The following ACTN1 variants were observed in gnomAD, a reference collection of about 807,000 sequenced individuals.
The protein encoded by ACTN1 is alpha-actinin-1.
In ACTN1, 30 loss-of-function variants were observed where a neutral mutation model predicts 119.6. That is an observed-to-expected ratio of 0.25 (90% CI 0.19 to 0.34). ACTN1 has a LOEUF of 0.34. Among genes scored for constraint, ACTN1 ranks in the 10% least tolerant of loss-of-function variants. The pLI, the probability that ACTN1 is intolerant of heterozygous loss-of-function variation, is 1.00. For synonymous variants in ACTN1, 429 were observed against 472.6 expected (o/e 0.91, Z 1.20); for missense variants, 764 against 1,223.4 (o/e 0.62, Z 5.60).
rs117494433 is a variant in ACTN1, at chr14:68,931,066, C to T, written c.106-5394G>A. ...CCTCCAGCCCCTCACACTTTCTGCTCCACCCGAATGACGTGGATTTCAGGT... is the reference window on the plus strand; with the variant it reads ...CCTCCAGCCCCTCACACTTTCTGCTTCACCCGAATGACGTGGATTTCAGGT... On this transcript the variant is annotated intron_variant, in intron 1 of 21. Coordinates refer to ENST00000394419, the MANE Select transcript of ACTN1 (RefSeq NM_001130004.2). 5.9e-3 allele frequency among the ~76,000 whole-genome samples: 904 copies of T among 152,286 alleles called. 4 individuals are homozygous for T. Among genetic ancestry groups the T allele is most frequent in the Non-Finnish European group, 0.01 (684 of 68,010 alleles).
At chr14:68,907,070 C>T (rs982157510) in intron 6 of ACTN1, among the ~76,000 whole-genome samples, 7 of 151,446 alleles carry the variant, frequency 4.6e-5, no homozygotes, top group East Asian at 1.9e-4. Context: ...GTCAGGAGTT[C>T]GAGACCAGCC....
At chr14:68,893,555 T>C in intron 9 of ACTN1, 100 bp downstream of exon 9, 1 of 1,190,388 alleles carries the variant, frequency 8.4e-7, no homozygotes. Flanking sequence ...TCAGAGACTA[T>C]ACAAGCCTGA....
intron 11 of ACTN1, chr14:68,887,820 C>G (rs1378719348): frequency 1.1e-6 from 1 of 876,678 alleles, no homozygotes; most frequent in Non-Finnish European, 2.0e-6. Flanking sequence ...CCTGCTTCAT[C>G]AGAGGCTGGA....
chr14:68,939,396 C>G (rs971099062), intron 1 of ACTN1, among the ~76,000 whole-genome samples: 1 of 152,142 alleles, frequency 6.6e-6, no homozygotes, highest in African/African-American at 2.4e-5. Context: ...CCTTGGTTCT[C>G]ACATCAGTAA....
In ACTN1 at chr14:68,970,433, G is replaced by A. The variant is rs145846995; in HGVS notation, c.105+8519C>T. ...GAACCTCAAACGTTACGGGTTTCAC[G>A]TGCACAGGCTTTTAAAATCAAAATA... On this transcript the variant is annotated intron_variant, in intron 1 of 21. Transcript: ENST00000394419. Among the ~76,000 whole-genome samples, 709 of 152,278 alleles carry A rather than the reference G, an allele frequency of 4.7e-3. 2 individuals are homozygous for A. Among genetic ancestry groups the A allele is most frequent in the African/African-American group, 0.016 (662 of 41,552 alleles).
chr14:68,908,743 T>C lies in ACTN1; in HGVS notation c.594+575A>G, dbSNP rs147431172. Among the ~76,000 whole-genome samples, 6 of 152,230 alleles carry C rather than the reference T, an allele frequency of 3.9e-5. No homozygotes were observed. The East Asian group carries it at 1.2e-3, about 29-fold the overall frequency. On this transcript the variant is annotated intron_variant, in intron 6 of 21. Coordinates refer to ENST00000394419, the MANE Select transcript of ACTN1 (RefSeq NM_001130004.2). Reference sequence around the variant, plus strand: ...CAGACATTGAGAACCACCATGAGGCTAGAAACACAGCTCCCACTCCTGCAT... The same window carrying C: ...CAGACATTGAGAACCACCATGAGGCCAGAAACACAGCTCCCACTCCTGCAT...
chr14:68,909,531 G>T lies in ACTN1; in HGVS notation c.516-135C>A. 1.3e-6 allele frequency: 1 copy of T among 753,070 alleles called. No homozygotes were observed. 46.6% of individuals were successfully genotyped at this position (753,070 alleles called of 1,614,324 possible). A position where few individuals can be genotyped will look rare whatever the true frequency, so the allele number is the denominator to read the frequency against. On this transcript the variant is annotated intron_variant, in intron 5 of 21. Transcript: ENST00000394419. The surrounding 1 kb of genome is among the most constrained non-coding windows in gnomAD (Gnocchi z 4.1). ...TTTCTGGGGTAGGAGTTAGAAGACA[G>T]GATGGGAAGGGACATTTCTTCCTGC...
intron 3 of ACTN1, among the ~76,000 whole-genome samples, chr14:68,915,023 G>A (rs2034208312): frequency 6.6e-6 from 1 of 152,176 alleles, no homozygotes; most frequent in African/African-American, 2.4e-5. Flanking sequence ...GAAATGCAGA[G>A]TAAGGTTCCT....
intron 4 of ACTN1, among the ~76,000 whole-genome samples, chr14:68,910,891 T>G (rs2033969695): frequency 6.6e-6 from 1 of 152,220 alleles, no homozygotes; most frequent in Non-Finnish European, 1.5e-5. Context: ...GAGGTCCCTT[T>G]GCTCTCCCTT....
rs528819470 is a variant in ACTN1, at chr14:68,968,828, G to A, written c.105+10124C>T. Among the ~76,000 whole-genome samples, 6 of 152,354 alleles carry A rather than the reference G, an allele frequency of 3.9e-5. No individual in the cohort carries two copies. In the South Asian group the frequency reaches 8.3e-4, roughly 21 times the overall value. Reference sequence around the variant, plus strand: ...TACATTAATAGCTGCAAAGCACTTAGACATGTGCCTGGCCCAAAGCACAGT... The same window carrying A: ...TACATTAATAGCTGCAAAGCACTTAAACATGTGCCTGGCCCAAAGCACAGT... On this transcript the variant is annotated intron_variant, in intron 1 of 21. Transcript: ENST00000394419.
At chr14:68,959,574 A>G (rs2036458327) in intron 1 of ACTN1, among the ~76,000 whole-genome samples, 1 of 152,224 alleles carries the variant, frequency 6.6e-6, no homozygotes, top group Non-Finnish European at 1.5e-5. Flanking sequence ...TTGACTTACA[A>G]AAACTAACCT....
intron 1 of ACTN1, among the ~76,000 whole-genome samples, chr14:68,934,558 G>C (rs185422183): frequency 1.4e-4 from 21 of 152,372 alleles, no homozygotes; most frequent in Admixed American, 5.2e-4. Context: ...TCACCAAGGT[G>C]AACTAAGATG....
At chr14:68,960,758 A>G (rs1292186571) in intron 1 of ACTN1, among the ~76,000 whole-genome samples, 1 of 151,958 alleles carries the variant, frequency 6.6e-6, no homozygotes, top group African/African-American at 2.4e-5. Context: ...TAAAAAAAAA[A>G]AAAAAAATTA....
intron 1 of ACTN1, among the ~76,000 whole-genome samples, chr14:68,934,769 A>T (rs186074913): frequency 6.6e-6 from 1 of 152,254 alleles, no homozygotes; most frequent in East Asian, 1.9e-4. Flanking sequence ...GAAATATTAC[A>T]TGGCCAAAAT....
intron 3 of ACTN1, among the ~76,000 whole-genome samples, chr14:68,914,201 A>C (rs2034163053): frequency 6.6e-6 from 1 of 152,200 alleles, no homozygotes; most frequent in South Asian, 2.1e-4. Context: ...CCTCTCTAAA[A>C]AAATGAATAA....
chr14:68,877,320 C>A, intron 20 of ACTN1, 80 bp from the exon 21 acceptor site: 1 of 1,551,910 alleles, frequency 6.4e-7, no homozygotes, highest in South Asian at 1.2e-5. Context: ...ACCCTGGGGG[C>A]TCAGAGCAGC....
intron 2 of ACTN1, 109 bp from the exon 3 acceptor site, chr14:68,921,234 T>G: frequency 1.4e-6 from 2 of 1,387,718 alleles, no homozygotes; most frequent in South Asian, 2.7e-5. Context: ...GGCAGAAGCA[T>G]GTGCATGTGT....
At chr14:68,950,637 C>G (rs1398064593) in intron 1 of ACTN1, among the ~76,000 whole-genome samples, 16 of 151,208 alleles carry the variant, frequency 1.1e-4, no homozygotes, top group Admixed American at 9.2e-4. Flanking sequence ...TCTCGGCTCA[C>G]TGCAAGCTCC....
chr14:68,951,013 A>C (rs1268109828), intron 1 of ACTN1, among the ~76,000 whole-genome samples: 1 of 152,234 alleles, frequency 6.6e-6, no homozygotes, highest in Non-Finnish European at 1.5e-5. Flanking sequence ...CACCAGCACC[A>C]GCCTGCCTGC....
Sources: allele counts gnomAD v4.1 joint callset (sites outside exome capture counted in the v4.1 genomes callset), GRCh38; gene constraint gnomAD v4.1.1; non-coding constraint Gnocchi (gnomAD v3.1); transcripts MANE v1.5; gene names NCBI Gene and HGNC (gene_info 2026-07-23, HGNC 2026-07-21).